UVRAG: variants seen among roughly 807,000 people sequenced by gnomAD.
UVRAG encodes the protein UV radiation resistance associated.
A neutral mutation model predicts 78.0 loss-of-function variants in UVRAG; 19 were observed. That is an observed-to-expected ratio of 0.24 (90% CI 0.17 to 0.36). The LOEUF (loss-of-function observed/expected upper bound fraction) is 0.36, where lower values mean the gene tolerates loss of function less well. Among genes scored for constraint, UVRAG ranks in the 10% least tolerant of loss-of-function variants. The pLI is 1.00. For missense variants in UVRAG, 740 were observed against 853.8 expected (o/e 0.87, Z 1.66); for synonymous variants, 323 against 324.6 (o/e 1.00, Z 0.05).
chr11:75,845,087 A>C (rs1217565470), intron 1 of UVRAG, among the ~76,000 whole-genome samples: 1 of 152,202 alleles, frequency 6.6e-6, no homozygotes, highest in Non-Finnish European at 1.5e-5. Flanking sequence ...CCAACATTTC[A>C]GGTAGTTGAA....
chr11:76,106,223 A>G (rs1359804153), intron 13 of UVRAG, among the ~76,000 whole-genome samples: 1 of 152,214 alleles, frequency 6.6e-6, no homozygotes, highest in Non-Finnish European at 1.5e-5. Flanking sequence ...GAAAAAAGGC[A>G]GACACAACAG....
intron 12 of UVRAG, among the ~76,000 whole-genome samples, chr11:76,048,997 C>T (rs188447273): frequency 7.9e-4 from 120 of 152,354 alleles, no homozygotes; most frequent in African/African-American, 2.7e-3. Context: ...GGGGCGCAAG[C>T]GCACAGTATC....
chr11:75,865,093 G>C (rs1393344855), intron 3 of UVRAG, among the ~76,000 whole-genome samples: 2 of 152,156 alleles, frequency 1.3e-5, no homozygotes, highest in East Asian at 3.9e-4. Context: ...TTTGAGACCA[G>C]CCTGACCAAC....
chr11:75,949,322 C>T (rs1002278754), intron 6 of UVRAG, among the ~76,000 whole-genome samples: 1 of 151,990 alleles, frequency 6.6e-6, no homozygotes, highest in Non-Finnish European at 1.5e-5. Context: ...CCCCTAATTT[C>T]TTAAGTATTG....
chr11:75,887,448 G>GT (rs1253746430), intron 4 of UVRAG, among the ~76,000 whole-genome samples: 11,906 of 114,112 alleles, frequency 0.1, 799 homozygotes, highest in African/African-American at 0.18. Flanking sequence ...CCTGGCGCAG[G>GT]TTTTTTTTTT....
intron 12 of UVRAG, among the ~76,000 whole-genome samples, chr11:76,037,301 A>G (rs1950551793): frequency 6.6e-6 from 1 of 152,208 alleles, no homozygotes. Flanking sequence ...CACATAACTC[A>G]CCCATTAACA....
intron 14 of UVRAG, 72 bp from the exon 15 acceptor site, chr11:76,140,639 G>A (rs2134519142): frequency 7.1e-7 from 1 of 1,416,932 alleles, no homozygotes; most frequent in Non-Finnish European, 9.5e-7. Flanking sequence ...GCTGTTCCCT[G>A]TCTCTGGATC....
chr11:75,941,265 T>G (rs1304506786), intron 6 of UVRAG, among the ~76,000 whole-genome samples: 1 of 152,188 alleles, frequency 6.6e-6, no homozygotes, highest in Non-Finnish European at 1.5e-5. Flanking sequence ...ACTGTTTCTG[T>G]TCAGATTTTT....
chr11:75,914,314 C>G (rs1947804166), intron 6 of UVRAG: 2 of 152,192 alleles, frequency 1.3e-5, no homozygotes, highest in Non-Finnish European at 2.9e-5. Context: ...CTAACATTGT[C>G]CTTGGCTGGA....
intron 12 of UVRAG, among the ~76,000 whole-genome samples, chr11:76,047,690 G>C (rs965422487): frequency 6.6e-5 from 10 of 152,172 alleles, no homozygotes; most frequent in Non-Finnish European, 1.5e-5. Flanking sequence ...AGATTAAACT[G>C]TCATTTTCAC....
chr11:75,936,218 C>A (rs551939906), intron 6 of UVRAG, among the ~76,000 whole-genome samples: 1 of 152,178 alleles, frequency 6.6e-6, no homozygotes, highest in Non-Finnish European at 1.5e-5. Flanking sequence ...TTAGTGTCTA[C>A]CATGTTTCTT....
intron 1 of UVRAG, among the ~76,000 whole-genome samples, chr11:75,817,090 A>C (rs909545128): frequency 6.6e-6 from 1 of 152,000 alleles, no homozygotes; most frequent in Admixed American, 6.6e-5. Context: ...ATACAGGGAG[A>C]GGGTAGAAGT....
Position 76,022,432 on chromosome 11 carries a change from TTCTGTCAAC to T in UVRAG, c.1226+5453_1226+5461del, listed in dbSNP as rs1387272706. Among the ~76,000 whole-genome samples, 213 of 152,282 alleles carry T rather than the reference TTCTGTCAAC, an allele frequency of 1.4e-3. 3 individuals are homozygous for T. In the East Asian group the frequency reaches 0.032, roughly 23 times the overall value. On this transcript the variant is annotated intron_variant, in intron 12 of 14. Coordinates refer to ENST00000356136, the MANE Select transcript of UVRAG (RefSeq NM_003369.4). ...TAAAACTGTATATTTCTCCTTTCAA[TTCTGTCAAC>T]ATTTGCTTCATATATTTTAGACCTC...
chr11:76,141,091 G>T lies in UVRAG; in HGVS notation c.1778G>T (p.Arg593Leu). Residue 593 changes from arginine (R) to leucine (L), a missense_variant, in exon 15 of 15, where the codon CGG (arginine) becomes CTG (leucine). Transcript: ENST00000356136. Reference sequence around the variant, plus strand: ...CAAGGAGAAGCCCTCTCCGGGCACCGGGCCACAGTCAATGGCACTCTCCTA... The same window carrying T: ...CAAGGAGAAGCCCTCTCCGGGCACCTGGCCACAGTCAATGGCACTCTCCTA... ...QEQGEALSGHRATVNGTLLPS... is the reference protein window; with the variant it reads ...QEQGEALSGHLATVNGTLLPS... 1 of 1,614,130 alleles carries T rather than the reference G, an allele frequency of 6.2e-7. No individual in the cohort carries two copies. Among genetic ancestry groups the T allele is most frequent in the Non-Finnish European group, 8.5e-7 (1 of 1,180,032 alleles).
rs138821865 is a variant in UVRAG, at chr11:75,884,212, GTCTC to G, written c.432+4196_432+4199del. On this transcript the variant is annotated intron_variant, in intron 4 of 14. Transcript: ENST00000356136. Reference sequence around the variant, plus strand: ...TAAGCAAAAAGTCTATTTGAGATCAGTCTCTCTCTCTCTCTCTCTCTCTCTCTTT... The same window carrying G: ...TAAGCAAAAAGTCTATTTGAGATCAGTCTCTCTCTCTCTCTCTCTCTCTTT... 3.8e-3 allele frequency among the ~76,000 whole-genome samples: 551 copies of G among 144,150 alleles called. 5 individuals carry two copies. The highest frequency in any genetic ancestry group is 8.7e-3 in the African/African-American group (331 of 38,086). 94.6% of individuals were successfully genotyped at this position (144,150 alleles called of 152,430 possible).
At chr11:76,088,207 A>G (rs1469205823) in intron 13 of UVRAG, among the ~76,000 whole-genome samples, 1 of 152,194 alleles carries the variant, frequency 6.6e-6, no homozygotes, top group Non-Finnish European at 1.5e-5. Flanking sequence ...ATAAGCCAGT[A>G]ATGACATCAG....
At chr11:75,950,963 T>TACACAC (rs35864936) in intron 6 of UVRAG, among the ~76,000 whole-genome samples, 3,933 of 139,994 alleles carry the variant, frequency 0.028, 89 homozygotes, top group African/African-American at 0.064. Flanking sequence ...TTGTCAGGTG[T>TACACAC]ACACACACAC....
At chr11:76,112,390 C>A (rs1952090464) in intron 13 of UVRAG, among the ~76,000 whole-genome samples, 1 of 152,130 alleles carries the variant, frequency 6.6e-6, no homozygotes, top group Non-Finnish European at 1.5e-5. Flanking sequence ...TTCAAATATT[C>A]AGGGTGTCAT....
chr11:75,831,742 C>T (rs929898487), intron 1 of UVRAG, among the ~76,000 whole-genome samples: 5 of 152,070 alleles, frequency 3.3e-5, no homozygotes, highest in African/African-American at 1.2e-4. Flanking sequence ...AGTACAAATG[C>T]CTTTTGATTT....
Sources: gnomAD v4.1 joint callset for allele counts (sites outside exome capture counted in the v4.1 genomes callset) on GRCh38, gnomAD v4.1.1 for gene constraint, MANE v1.5 for transcripts, NCBI Gene and HGNC (gene_info 2026-07-23, HGNC 2026-07-21) for gene names.